PDZK1: variants seen among roughly 807,000 people sequenced by gnomAD.
PDZK1 encodes the protein PDZ domain containing 1.
Under a neutral mutation model 38.1 loss-of-function variants are expected in PDZK1, and 23 were observed. The observed-to-expected ratio is 0.60, with a 90% CI of 0.43 to 0.85. The LOEUF (loss-of-function observed/expected upper bound fraction) is 0.85. Among genes scored for constraint, PDZK1 ranks in the 40% least tolerant of loss-of-function variants. PDZK1 has a pLI of 0.00. For missense variants in PDZK1, 297 were observed against 504.3 expected (o/e 0.59, Z 3.94); for synonymous variants, 98 against 186.2 (o/e 0.53, Z 3.86).
chr1:145,679,098 G>A (rs1242839500), intron 5 of PDZK1, among the ~76,000 whole-genome samples: 24 of 151,596 alleles, frequency 1.6e-4, no homozygotes, highest in Non-Finnish European at 3.1e-4. Context: ...GGGTGTGTTC[G>A]GTTTTGAATA....
chr1:145,683,519 A>C (rs1553700829), intron 3 of PDZK1, among the ~76,000 whole-genome samples: 2 of 152,204 alleles, frequency 1.3e-5, no homozygotes, highest in African/African-American at 4.8e-5. Context: ...GAGGGAGGGA[A>C]GAACCCGAAT....
At chr1:145,702,263 T>C (rs1655999473) in intron 1 of PDZK1, among the ~76,000 whole-genome samples, 1 of 152,110 alleles carries the variant, frequency 6.6e-6, no homozygotes, top group Admixed American at 6.6e-5. Context: ...ATGGCAAGAC[T>C]CTGGGCTGGA....
chr1:145,674,088 A>C (rs1653385962), intron 6 of PDZK1: 1 of 705,320 alleles, frequency 1.4e-6, no homozygotes, highest in Non-Finnish European at 1.7e-6. Context: ...ATATGTGTAT[A>C]CATGTACACA....
At chr1:145,682,898 G>A (rs1422616048) in intron 3 of PDZK1, among the ~76,000 whole-genome samples, 1 of 152,122 alleles carries the variant, frequency 6.6e-6, no homozygotes, top group Non-Finnish European at 1.5e-5. Context: ...TTTCCCTATG[G>A]TATATCAGCC....
chr1:145,679,632 T>C lies in PDZK1; in HGVS notation c.794-987A>G, dbSNP rs587753934. Among the ~76,000 whole-genome samples the C allele has an allele frequency of 1.4e-4, 21 of 152,148 alleles. 1 individual carries two copies. On this transcript the variant is annotated intron_variant, in intron 5 of 8. Transcript: ENST00000417171. The stretch of plus-strand genomic sequence containing the variant: ...CTGGTGCAACAGAATGAGCATGGGC[T>C]TTGGAACTAAACAACTATTTGACCT...
intron 3 of PDZK1, among the ~76,000 whole-genome samples, chr1:145,685,775 T>C (rs1192563252): frequency 6.6e-6 from 1 of 152,156 alleles, no homozygotes; most frequent in Non-Finnish European, 1.5e-5. Context: ...AGAGCCACGG[T>C]CAACTGAACA....
At chr1:145,688,085 C>T in intron 1 of PDZK1, 62 bp from the exon 2 acceptor site, 1 of 1,349,970 alleles carries the variant, frequency 7.4e-7, no homozygotes, top group Admixed American at 1.7e-5. Context: ...GAGTGAGAAC[C>T]CCATCCTCCA....
rs1230870006 is a variant in PDZK1 at position 145,677,928 on chromosome 1, A to C, written c.990+521T>G. ...TTAAAAGTAAAAAAAAAAAAAAAAA[A>C]AAAAAAAAAAACCTTAAAACATGCA... On this transcript the variant is annotated intron_variant, in intron 6 of 8. Coordinates refer to ENST00000417171, the MANE Select transcript of PDZK1 (RefSeq NM_001201325.2). Among the ~76,000 whole-genome samples, 160 of 150,592 alleles carry C rather than the reference A, an allele frequency of 1.1e-3. 2 individuals carry two copies. Among genetic ancestry groups the C allele is most frequent in the African/African-American group, 3.8e-3 (153 of 40,660 alleles).
rs1654923892 is a variant in PDZK1 at position 145,687,835 on chromosome 1, C to G, written c.187G>C (p.Val63Leu). ...ACCTGCATATGTTCTTCTTTGTCCA[C>G]AAAGACACCATTGATCCTAAGAACT... The part of the protein sequence containing the change: ...DRVLRINGVF[V>L]DKEEHMQVVD... Residue 63 changes from valine to leucine, a missense_variant, in exon 2 of 9, where the codon GTG becomes CTG. Physicochemically the swap from Val to Leu is conservative, Grantham distance 32. This residue lies in a region of PDZK1 where 159 missense variants were observed against 200.0 expected (regional missense o/e 0.79). Coordinates refer to ENST00000417171, the MANE Select transcript of PDZK1 (RefSeq NM_001201325.2). 2 of 1,613,974 alleles carry G rather than the reference C, an allele frequency of 1.2e-6. No individual in the cohort carries two copies. The highest frequency in any genetic ancestry group is 2.7e-5 in the African/African-American group (2 of 75,016).
chr1:145,689,876 C>T (rs1360110387), intron 1 of PDZK1, among the ~76,000 whole-genome samples: 5 of 152,172 alleles, frequency 3.3e-5, no homozygotes, highest in African/African-American at 9.7e-5. Flanking sequence ...CAGAGACGTA[C>T]AGTACAAATC....
At chr1:145,705,012 G>T (rs990889585) in intron 1 of PDZK1, among the ~76,000 whole-genome samples, 1 of 152,198 alleles carries the variant, frequency 6.6e-6, no homozygotes, top group Non-Finnish European at 1.5e-5. Flanking sequence ...CAAGGGGCTG[G>T]TAATACAGCA....
At chr1:145,687,246 G>A (rs1319276872) in intron 2 of PDZK1, among the ~76,000 whole-genome samples, 11 of 152,020 alleles carry the variant, frequency 7.2e-5, no homozygotes, top group East Asian at 3.9e-4. Flanking sequence ...CTGGCCGAGC[G>A]TGGTGGCTCA....
intron 6 of PDZK1, among the ~76,000 whole-genome samples, chr1:145,676,457 C>A (rs1457083148): frequency 1.3e-5 from 2 of 151,772 alleles, no homozygotes; most frequent in Non-Finnish European, 2.9e-5. Flanking sequence ...ATGTGTGGCC[C>A]GGGCGTGTTG....
At chr1:145,692,633 C>A (rs587744013) in intron 1 of PDZK1, among the ~76,000 whole-genome samples, 1 of 151,736 alleles carries the variant, frequency 6.6e-6, no homozygotes, top group Non-Finnish European at 1.5e-5. Flanking sequence ...ATCGCTTGGA[C>A]CTGGGGGGCA....
chr1:145,704,455 A>G (rs1656141598), intron 1 of PDZK1, among the ~76,000 whole-genome samples: 1 of 152,196 alleles, frequency 6.6e-6, no homozygotes, highest in South Asian at 2.1e-4. Context: ...GGGTCATGTA[A>G]TAGCAAAGCT....
At chr1:145,705,718 A>G (rs1656207782) in intron 1 of PDZK1, among the ~76,000 whole-genome samples, 1 of 152,128 alleles carries the variant, frequency 6.6e-6, no homozygotes, top group Non-Finnish European at 1.5e-5. Context: ...CACATTTGAA[A>G]TCTAGGCATC....
At chr1:145,697,268 G>A (rs1402498200) in intron 1 of PDZK1, among the ~76,000 whole-genome samples, 5 of 151,636 alleles carry the variant, frequency 3.3e-5, no homozygotes, top group Admixed American at 1.3e-4. Flanking sequence ...CAGTGGTTGC[G>A]GTGAGCCGAG....
chr1:145,674,848 T>C (rs1299281634), intron 6 of PDZK1, among the ~76,000 whole-genome samples: 3 of 152,158 alleles, frequency 2.0e-5, no homozygotes, highest in Non-Finnish European at 2.9e-5. Flanking sequence ...TCTGTCTCTC[T>C]GGAGAATGTT....
At chr1:145,701,094 A>T (rs1358595201) in intron 1 of PDZK1, among the ~76,000 whole-genome samples, 1 of 151,708 alleles carries the variant, frequency 6.6e-6, no homozygotes, top group Non-Finnish European at 1.5e-5. Flanking sequence ...AGTCCCAGCT[A>T]CTCGGGAGGC....
Sources: allele counts gnomAD v4.1 joint callset (sites outside exome capture counted in the v4.1 genomes callset), GRCh38; gene constraint gnomAD v4.1.1; regional missense constraint gnomAD v4.1.1; transcripts MANE v1.5; gene names NCBI Gene and HGNC (gene_info 2026-07-23, HGNC 2026-07-21).